GRHL2: variants seen among roughly 807,000 people sequenced by gnomAD.
The protein encoded by GRHL2 is grainyhead-like protein 2 homolog.
In GRHL2, 21 loss-of-function variants were observed where a neutral mutation model predicts 83.8. That is an observed-to-expected ratio of 0.25 (90% CI 0.18 to 0.36). The LOEUF is 0.36. Ranked by LOEUF, GRHL2 falls within the 10% of genes least tolerant of loss-of-function variation. GRHL2 has a pLI of 1.00. For missense variants in GRHL2, 623 were observed against 781.8 expected (o/e 0.80, Z 2.42); for synonymous variants, 280 against 278.9 (o/e 1.00, Z -0.04).
At chr8:101,499,040 G>A (rs375448651) in intron 1 of GRHL2, among the ~76,000 whole-genome samples, 88 of 149,766 alleles carry the variant, frequency 5.9e-4, no homozygotes, top group African/African-American at 1.3e-3. Context: ...GTGCCACTGC[G>A]CTCCAGCCTG....
intron 2 of GRHL2, 189 bp downstream of exon 2, chr8:101,543,625 C>T (rs1775614226): frequency 1.5e-6 from 1 of 645,378 alleles, no homozygotes; most frequent in African/African-American, 1.8e-5. Context: ...CTTTATCACC[C>T]ATCCAGAGGA....
chr8:101,637,000 T>G, intron 12 of GRHL2, 72 bp downstream of exon 12: 1 of 1,343,264 alleles, frequency 7.4e-7, no homozygotes, highest in Non-Finnish European at 1.1e-6. Flanking sequence ...CTTCCAGCAC[T>G]TGGTAACCCT....
At chr8:101,592,893 A>G (rs1812316745) in intron 7 of GRHL2, among the ~76,000 whole-genome samples, 1 of 152,122 alleles carries the variant, frequency 6.6e-6, no homozygotes, top group Admixed American at 6.5e-5. Flanking sequence ...AATGAGATTA[A>G]GTTCATTCTT....
intron 12 of GRHL2, among the ~76,000 whole-genome samples, chr8:101,642,124 A>G (rs1166739030): frequency 6.6e-6 from 1 of 152,086 alleles, no homozygotes; most frequent in African/African-American, 2.4e-5. Flanking sequence ...TGCTTTCTAC[A>G]TCTGTCAAAT....
At chr8:101,584,986 GT>G (rs1812134309) in intron 7 of GRHL2, among the ~76,000 whole-genome samples, 1 of 152,130 alleles carries the variant, frequency 6.6e-6, no homozygotes, top group African/African-American at 2.4e-5. Flanking sequence ...TGGTCAGGTA[GT>G]CAGGTAGCCA....
chr8:101,623,593 C>T (rs940797585), intron 9 of GRHL2, among the ~76,000 whole-genome samples: 1 of 151,132 alleles, frequency 6.6e-6, no homozygotes, highest in Non-Finnish European at 1.5e-5. Flanking sequence ...TCACAGTGCA[C>T]AGTAGGATAG....
At chr8:101,606,275 A>C (rs1011843543) in intron 8 of GRHL2, among the ~76,000 whole-genome samples, 3 of 152,224 alleles carry the variant, frequency 2.0e-5, no homozygotes, top group African/African-American at 7.2e-5. Flanking sequence ...CTTCAAATGC[A>C]TTGGATTTAC....
At chr8:101,575,301 T>C (rs1195542648) in intron 6 of GRHL2, among the ~76,000 whole-genome samples, 1 of 151,986 alleles carries the variant, frequency 6.6e-6, no homozygotes, top group Non-Finnish European at 1.5e-5. Context: ...AAATGGTGGG[T>C]GGTTAGTATT....
At chr8:101,536,689 A>G (rs559662437) in intron 1 of GRHL2, among the ~76,000 whole-genome samples, 2 of 152,352 alleles carry the variant, frequency 1.3e-5, no homozygotes, top group Non-Finnish European at 2.9e-5. Context: ...ACAGATAATG[A>G]TGAGGAGTGC....
the GRHL2 span, among the ~76,000 whole-genome samples, chr8:101,677,226 A>ATAATAT: frequency 6.6e-6 from 1 of 151,692 alleles, no homozygotes; most frequent in East Asian, 1.9e-4. Flanking sequence ...AATAATAATA[A>ATAATAT]AAATAAAGAA....
chr8:101,593,253 T>TG (rs1812324744), intron 7 of GRHL2, among the ~76,000 whole-genome samples: 1 of 152,182 alleles, frequency 6.6e-6, no homozygotes, highest in Non-Finnish European at 1.5e-5. Flanking sequence ...GTTGGCATAA[T>TG]TTTTTTAAAC....
At chr8:101,652,375 TG>T (rs199929381) in intron 14 of GRHL2, among the ~76,000 whole-genome samples, 112 of 4,414 alleles carry the variant, frequency 0.025, 6 homozygotes, top group South Asian at 0.24. Flanking sequence ...GTGTGTCTGA[TG>T]TGTGTGTGGT....
At chr8:101,509,150 C>CT (rs397944981) in intron 1 of GRHL2, among the ~76,000 whole-genome samples, 35 of 67,900 alleles carry the variant, frequency 5.2e-4, no homozygotes, top group Admixed American at 1.2e-3. Flanking sequence ...TCCTTCCTTC[C>CT]TTCCTTCCTT....
chr8:101,626,373 G>A (rs1384933821), intron 9 of GRHL2, among the ~76,000 whole-genome samples: 1 of 152,064 alleles, frequency 6.6e-6, no homozygotes, highest in Non-Finnish European at 1.5e-5. Context: ...TGAAATGCAT[G>A]TGTTAATACA....
intron 7 of GRHL2, among the ~76,000 whole-genome samples, chr8:101,585,310 A>T (rs1441174144): frequency 3.3e-5 from 5 of 152,210 alleles, no homozygotes; most frequent in African/African-American, 1.2e-4. Flanking sequence ...ACTCAAGTAA[A>T]TAGGATTTCA....
At chr8:101,564,696 G>A (rs920315914) in intron 4 of GRHL2, among the ~76,000 whole-genome samples, 27 of 150,950 alleles carry the variant, frequency 1.8e-4, no homozygotes, top group African/African-American at 6.3e-4. Flanking sequence ...CCTGTAGTCC[G>A]AGCTGCTTGG....
intron 2 of GRHL2, among the ~76,000 whole-genome samples, chr8:101,550,774 C>T (rs1276513583): frequency 3.9e-5 from 6 of 152,204 alleles, no homozygotes; most frequent in Admixed American, 3.9e-4. Context: ...TTCTTATCCT[C>T]CTACCTGCTG....
intron 1 of GRHL2, among the ~76,000 whole-genome samples, chr8:101,501,837 G>A (rs1423877534): frequency 7.2e-5 from 11 of 151,796 alleles, no homozygotes; most frequent in Non-Finnish European, 5.9e-5. Flanking sequence ...GGGATTCTAA[G>A]TATAAATTGA....
At chr8:101,578,320 A>G (rs1407167774) in intron 7 of GRHL2, among the ~76,000 whole-genome samples, 8 of 152,182 alleles carry the variant, frequency 5.3e-5, no homozygotes, top group Admixed American at 5.2e-4. Context: ...GGGAGATGAA[A>G]GCACAGCAGA....
Sources: gnomAD v4.1 joint callset for allele counts (sites outside exome capture counted in the v4.1 genomes callset) on GRCh38, gnomAD v4.1.1 for gene constraint, MANE v1.5 for transcripts, NCBI Gene and HGNC (gene_info 2026-07-23, HGNC 2026-07-21) for gene names.